FLI1: variants seen among roughly 807,000 people sequenced by gnomAD.
FLI1 encodes the protein Fli-1 proto-oncogene, ETS transcription factor, also known as Friend leukemia integration 1 transcription factor.
Under a neutral mutation model 53.1 loss-of-function variants are expected in FLI1, and 13 were observed. The observed-to-expected ratio is 0.24, with a 90% CI of 0.16 to 0.39. The LOEUF is 0.39. Among genes scored for constraint, FLI1 ranks in the 10% least tolerant of loss-of-function variants. The probability of loss-of-function intolerance (pLI) is 1.00; values close to 1 mark genes in which losing one functional copy is unlikely to be tolerated. For missense variants in FLI1, 424 were observed against 600.5 expected (o/e 0.71, Z 3.07); for synonymous variants, 244 against 236.7 (o/e 1.03, Z -0.28).
At chr11:128,691,040 G>A (rs1276744422), upstream of FLI1, among the ~76,000 whole-genome samples, 1 of 152,112 alleles carries the variant, frequency 6.6e-6, no homozygotes, top group Non-Finnish European at 1.5e-5. Context: ...GGAGAGAAGA[G>A]AGGAGGGAGA....
At chr11:128,688,595 C>A (rs1937626213) in intron 1 of FLI1, among the ~76,000 whole-genome samples, 1 of 151,344 alleles carries the variant, frequency 6.6e-6, no homozygotes, top group Admixed American at 6.6e-5. Context: ...GAGGGAGGAG[C>A]CCAGCCTGGC....
intron 1 of FLI1, among the ~76,000 whole-genome samples, chr11:128,749,155 A>G (rs1940536817): frequency 6.6e-6 from 1 of 152,176 alleles, no homozygotes; most frequent in African/African-American, 2.4e-5. Context: ...CATGGTGCTG[A>G]TTCCTGCCAG....
intron 2 of FLI1, 28 bp downstream of exon 2, chr11:128,758,354 G>C (rs1940978094): frequency 2.5e-6 from 4 of 1,593,842 alleles, no homozygotes; most frequent in Non-Finnish European, 2.6e-6. Context: ...GTGCAGGATT[G>C]GGGGAAGGCA....
intron 2 of FLI1, among the ~76,000 whole-genome samples, chr11:128,765,441 G>A (rs1941299036): frequency 6.6e-6 from 1 of 152,208 alleles, no homozygotes; most frequent in African/African-American, 2.4e-5. Context: ...CCCGGCTGAT[G>A]TGGAAAAGAA....
chr11:128,686,819 T>G, intron 1 of FLI1: 1 of 230,816 alleles, frequency 4.3e-6, no homozygotes, highest in South Asian at 4.8e-5. Flanking sequence ...TGGGCCCTAC[T>G]CTCGGCTCGT....
chr11:128,757,048 CTTT>C lies in FLI1; in HGVS notation c.19-1066_19-1064del, dbSNP rs1565484225. On this transcript the variant is annotated intron_variant, in intron 1 of 8. Transcript: ENST00000527786. ...TGCCACCATATCTAGCTAATTTTTTCTTTCTTTCTTTCTTTCTTTCTTTCTTTC... is the reference window on the plus strand; with the variant it reads ...TGCCACCATATCTAGCTAATTTTTTCCTTTCTTTCTTTCTTTCTTTCTTTC... Among the ~76,000 whole-genome samples the C allele has an allele frequency of 1.3e-3, 65 of 49,234 alleles. 1 individual carries two copies. Among genetic ancestry groups the C allele is most frequent in the African/African-American group, 5.6e-3 (63 of 11,196 alleles). The allele number at this position is 49,234 out of a possible 152,430, so 32.3% of individuals were successfully genotyped here.
rs567913987 is a variant in FLI1, at chr11:128,792,299, A to G, written c.655+10276A>G. 8.5e-5 allele frequency among the ~76,000 whole-genome samples: 13 copies of G among 152,208 alleles called. 1 individual carries two copies. Among genetic ancestry groups the G allele is most frequent in the African/African-American group, 3.1e-4 (13 of 41,514 alleles). ...ATCATGCATTTCCCCCAAGTAGCTG[A>G]TGTTGTCTAGTTGCTAAGATATATT... On this transcript the variant is annotated intron_variant, in intron 5 of 8. Coordinates refer to ENST00000527786, the MANE Select transcript of FLI1 (RefSeq NM_002017.5).
At position 128,694,156 on chromosome 11, in the gene FLI1, C is replaced by A; in HGVS notation, c.-103C>A. 1 of 1,312,018 alleles carries A rather than the reference C, an allele frequency of 7.6e-7. No individual in the cohort carries two copies. The highest frequency in any genetic ancestry group is 1.6e-5 in the South Asian group (1 of 64,160). 81.3% of individuals were successfully genotyped at this position (1,312,018 alleles called of 1,614,324 possible). A position where few individuals can be genotyped will look rare whatever the true frequency, so the allele number is the denominator to read the frequency against. On this transcript the variant is annotated 5_prime_UTR_variant, in exon 1 of 9. Coordinates refer to ENST00000527786, the MANE Select transcript of FLI1 (RefSeq NM_002017.5). ...GGGGGCACGCAGGGAGGGCCCAGGG[C>A]GCCAGGGAGGCCGCGCCGGGCTAAT...
At chr11:128,747,653 TAA>T (rs1214212509) in intron 1 of FLI1, among the ~76,000 whole-genome samples, 1 of 152,242 alleles carries the variant, frequency 6.6e-6, no homozygotes, top group East Asian at 1.9e-4. Context: ...GGACCTACTT[TAA>T]TGGTCAGGCC....
intron 1 of FLI1, among the ~76,000 whole-genome samples, chr11:128,743,494 G>A (rs977676227): frequency 1.3e-5 from 2 of 152,048 alleles, no homozygotes; most frequent in African/African-American, 4.8e-5. Context: ...GGACAAAGGA[G>A]CTCAGAAATT....
intron 1 of FLI1, among the ~76,000 whole-genome samples, chr11:128,704,120 G>A (rs1046317561): frequency 2.0e-5 from 3 of 152,074 alleles, no homozygotes; most frequent in African/African-American, 7.2e-5. Flanking sequence ...ATGAAGGTAT[G>A]ATTTCAAAAT....
In FLI1 at chr11:128,764,662, C is replaced by T. The variant is rs776972872; in HGVS notation, c.231-3456C>T. On this transcript the variant is annotated intron_variant, in intron 2 of 8. Coordinates refer to ENST00000527786, the MANE Select transcript of FLI1 (RefSeq NM_002017.5). ...AGCCTTCTTCACAGGCGCCAGCTGC[C>T]TCATTAAAGAGCAGCCTTTTATGCT... 2.0e-6 allele frequency: 3 copies of T among 1,534,664 alleles called. No individual in the cohort carries two copies. The South Asian group carries it at 3.6e-5, about 18-fold the overall frequency.
chr11:128,808,487 A>G (rs887166593), intron 7 of FLI1, among the ~76,000 whole-genome samples: 1 of 152,214 alleles, frequency 6.6e-6, no homozygotes, highest in Non-Finnish European at 1.5e-5. Flanking sequence ...TTTTAAGAAT[A>G]GTCATTTTAT....
rs1942904083 is a variant in FLI1, at chr11:128,810,290, A to C, written c.830-169A>C. On this transcript the variant is annotated intron_variant, in intron 8 of 8. Coordinates refer to ENST00000527786, the MANE Select transcript of FLI1 (RefSeq NM_002017.5). This position sits in a 1 kb window ranked among gnomAD's most constrained non-coding sequence, Gnocchi z 6.6. Reference sequence around the variant, plus strand: ...TATACCCATCTCCAAGGCAAGCAGAAAGGCAAATCAACAATGACATAAGAA... The same window carrying C: ...TATACCCATCTCCAAGGCAAGCAGACAGGCAAATCAACAATGACATAAGAA... Among the ~76,000 whole-genome samples the C allele has an allele frequency of 6.6e-6, 1 of 151,872 alleles. No homozygotes were observed. Among genetic ancestry groups the C allele is most frequent in the Non-Finnish European group, 1.5e-5 (1 of 67,990 alleles).
intron 1 of FLI1, among the ~76,000 whole-genome samples, chr11:128,723,651 G>T (rs12225478): frequency 0.24 from 36,607 of 152,138 alleles, 5,170 homozygotes; most frequent in Admixed American, 0.36. Context: ...CAACCCATTT[G>T]TTCTTTCATT....
chr11:128,696,567 A>G (rs923889008), intron 1 of FLI1, among the ~76,000 whole-genome samples: 5 of 152,342 alleles, frequency 3.3e-5, no homozygotes, highest in Non-Finnish European at 4.4e-5. Context: ...CTACAGTAGT[A>G]TCTAACCAAT....
At chr11:128,798,299 AGGCCTT>A (rs1942505003) in intron 5 of FLI1, among the ~76,000 whole-genome samples, 1 of 152,176 alleles carries the variant, frequency 6.6e-6, no homozygotes, top group Non-Finnish European at 1.5e-5. Context: ...TCCCACTTTG[AGGCCTT>A]ATCAAAATAA....
At chr11:128,718,505 T>G (rs532482141) in intron 1 of FLI1, among the ~76,000 whole-genome samples, 107 of 152,320 alleles carry the variant, frequency 7.0e-4, no homozygotes, top group South Asian at 3.1e-3. Context: ...TCCTCCCCTC[T>G]GCTGGCCGGA....
chr11:128,786,335 G>A (rs1409965531), intron 5 of FLI1, among the ~76,000 whole-genome samples: 1 of 152,216 alleles, frequency 6.6e-6, no homozygotes, highest in African/African-American at 2.4e-5. Flanking sequence ...GTATAGGTAA[G>A]TGAAGAGACT....
Sources: gnomAD v4.1 joint callset for allele counts (sites outside exome capture counted in the v4.1 genomes callset) on GRCh38, gnomAD v4.1.1 for gene constraint, Gnocchi (gnomAD v3.1) non-coding constraint, MANE v1.5 for transcripts, NCBI Gene and HGNC (gene_info 2026-07-23, HGNC 2026-07-21) for gene names.